Variants in ABL2 observed in about 807,000 individuals in gnomAD.
ABL2 encodes the protein ABL proto-oncogene 2, non-receptor tyrosine kinase.
ABL2 carries 49 observed loss-of-function variants against 107.7 expected under a neutral mutation model. The observed-to-expected ratio is 0.45, with a 90% CI of 0.36 to 0.58. The LOEUF (loss-of-function observed/expected upper bound fraction) is 0.58, where lower values mean the gene tolerates loss of function less well. Ranked by LOEUF, ABL2 falls within the 20% of genes least tolerant of loss-of-function variation. The pLI is 0.00. For synonymous variants in ABL2, 549 were observed against 548.6 expected (o/e 1.00, Z -0.01); for missense variants, 1,245 against 1,457.0 (o/e 0.85, Z 2.37).
intron 1 of ABL2, among the ~76,000 whole-genome samples, chr1:179,171,337 G>A (rs1659705790): frequency 6.6e-6 from 1 of 152,148 alleles, no homozygotes; most frequent in Non-Finnish European, 1.5e-5. Context: ...AAGACACAGA[G>A]ACTCTCCTTT....
chr1:179,124,283 G>A (rs1165063972), intron 4 of ABL2, among the ~76,000 whole-genome samples: 1 of 150,646 alleles, frequency 6.6e-6, no homozygotes, highest in Non-Finnish European at 1.5e-5. Flanking sequence ...AGTGTATAAA[G>A]TATCAATTCA....
chr1:179,130,088 T>C (rs1656141994), intron 3 of ABL2, among the ~76,000 whole-genome samples: 1 of 152,164 alleles, frequency 6.6e-6, no homozygotes, highest in African/African-American at 2.4e-5. Flanking sequence ...TACAGGCACA[T>C]GCCGCTACAC....
intron 1 of ABL2, among the ~76,000 whole-genome samples, chr1:179,200,373 T>C (rs1220419940): frequency 1.3e-5 from 2 of 152,216 alleles, no homozygotes; most frequent in Non-Finnish European, 2.9e-5. Context: ...GTTACATTTA[T>C]GTTGTCGCAC....
rs763258624 is a variant in ABL2 at position 179,109,138 on chromosome 1, G to A, written c.2129C>T (p.Ala710Val). 1.4e-5 allele frequency: 23 copies of A among 1,609,106 alleles called. 1 individual carries two copies. The highest frequency in any genetic ancestry group is 6.7e-5 in the East Asian group (3 of 44,638). The stretch of plus-strand genomic sequence containing the variant: ...ATAGCACTTGGGTGGCACCAGATTC[G>A]CCTCTTGCTGGGCAGGAGTGAAAGA... ...GFSFTPAQQE[A>V]NLVPPKCYGG... The change falls in exon 12 of 12, where the codon GCG becomes GTG. Residue 710 changes from alanine (A) to valine (V), a missense_variant. Ala to Val is a moderately conservative substitution (Grantham distance 64). Transcript: ENST00000502732.
chr1:179,224,358 C>T lies in ABL2; in HGVS notation c.157+4883G>A, dbSNP rs370089475. Among the ~76,000 whole-genome samples the T allele has an allele frequency of 1.9e-4, 29 of 151,486 alleles. No individual in the cohort carries two copies. The East Asian group carries it at 2.2e-3, about 11-fold the overall frequency. On this transcript the variant is annotated intron_variant, in intron 1 of 11. Transcript: ENST00000502732. ...CTCGGCTCACTGCAAACTCCGCCTC[C>T]GGGGTTCAGGGGATTCTCCTGTCTC... is the stretch of plus-strand genomic sequence containing the variant.
At position 179,109,516 on chromosome 1, in the gene ABL2, T is replaced by G; in HGVS notation, c.1826-75A>C. 2 of 1,521,008 alleles carry G rather than the reference T, an allele frequency of 1.3e-6. 1 individual carries two copies. Among genetic ancestry groups the G allele is most frequent in the South Asian group, 2.6e-5 (2 of 75,724 alleles). 94.2% of individuals were successfully genotyped at this position (1,521,008 alleles called of 1,614,324 possible). A position where few individuals can be genotyped will look rare whatever the true frequency, so the allele number is the denominator to read the frequency against. On this transcript the variant is annotated intron_variant, in intron 11 of 11. Transcript: ENST00000502732. ...TTACATTTGAGTTACCGAGGCTGCATTATGAGTTTTGTCAGCATTTATCAA... is the reference window on the plus strand; with the variant it reads ...TTACATTTGAGTTACCGAGGCTGCAGTATGAGTTTTGTCAGCATTTATCAA...
chr1:179,129,409 C>T (rs962436635), intron 3 of ABL2, among the ~76,000 whole-genome samples: 14 of 152,280 alleles, frequency 9.2e-5, no homozygotes, highest in Middle Eastern at 3.4e-3. Context: ...TCTGGCTGGG[C>T]GTGGTGGCTC....
intron 1 of ABL2, among the ~76,000 whole-genome samples, chr1:179,217,576 C>T (rs1248141521): frequency 7.2e-6 from 1 of 139,440 alleles, no homozygotes; most frequent in African/African-American, 2.7e-5. Context: ...CAGTGAGCCT[C>T]GATCGTGCCA....
chr1:179,145,646 G>C (rs1657932471), intron 1 of ABL2, among the ~76,000 whole-genome samples: 1 of 152,136 alleles, frequency 6.6e-6, no homozygotes, highest in South Asian at 2.1e-4. Context: ...AGATGAGGAG[G>C]AGCGGGGGCA....
chr1:179,143,094 T>G (rs774479588), intron 1 of ABL2: 1 of 1,596,116 alleles, frequency 6.3e-7, no homozygotes, highest in Non-Finnish European at 8.5e-7. Flanking sequence ...AAAGAGGAAG[T>G]CTTAGAATTC....
Position 179,108,700 on chromosome 1 carries a change from C to T in ABL2, c.2567G>A (p.Gly856Glu). Reference sequence around the variant, plus strand: ...TGTTCTGAGAGGAAGAGCTGTGGCTCCTCTGGGCAATAACTTGGCTTTTGG... The same window carrying T: ...TGTTCTGAGAGGAAGAGCTGTGGCTTCTCTGGGCAATAACTTGGCTTTTGG... ...ERPKAKLLPR[G>E]ATALPLRTPS... Residue 856 changes from glycine to glutamate, a missense_variant, in exon 12 of 12, where the codon GGA becomes GAA. Gly to Glu is a moderately conservative substitution (Grantham distance 98, BLOSUM62 -2). Transcript: ENST00000502732. 6.2e-7 allele frequency: 1 copy of T among 1,614,142 alleles called. No individual in the cohort carries two copies. Among genetic ancestry groups the T allele is most frequent in the Non-Finnish European group, 8.5e-7 (1 of 1,179,984 alleles).
rs570185332 is a variant in ABL2, at chr1:179,112,408, A to C, written c.1562-10T>G. ...GGGCTCCACTTCCAGCCTATGTAAC[A>C]GAAGAAAAAATATTAAAAACTCCTT... On this transcript the variant is annotated splice_polypyrimidine_tract_variant and intron_variant, in intron 9 of 11. Coordinates refer to ENST00000502732, the MANE Select transcript of ABL2 (RefSeq NM_007314.4). 6 of 1,608,584 alleles carry C rather than the reference A, an allele frequency of 3.7e-6. No homozygotes were observed. In the African/African-American group the frequency reaches 5.4e-5, roughly 14 times the overall value.
intron 1 of ABL2, among the ~76,000 whole-genome samples, chr1:179,174,704 T>C (rs1025417383): frequency 6.6e-6 from 1 of 151,654 alleles, no homozygotes; most frequent in Non-Finnish European, 1.5e-5. Context: ...CCCAGCCCTT[T>C]GGGAGGTTGA....
chr1:179,205,185 C>A (rs1661895172), intron 1 of ABL2, among the ~76,000 whole-genome samples: 1 of 152,050 alleles, frequency 6.6e-6, no homozygotes, highest in Admixed American at 6.6e-5. Flanking sequence ...TGCCACCACA[C>A]CCAGCTAATT....
chr1:179,104,700 G>T lies in ABL2; in HGVS notation c.*3018C>A. On this transcript the variant is annotated 3_prime_UTR_variant, in exon 12 of 12. Transcript: ENST00000502732. The stretch of plus-strand genomic sequence containing the variant: ...CAAGATGTATTCAACACAAATCACT[G>T]CATTTTAAAGTGGGAAATCTAAACT... 4.7e-6 allele frequency: 1 copy of T among 211,238 alleles called. No individual in the cohort carries two copies. Among genetic ancestry groups the T allele is most frequent in the East Asian group, 7.2e-5 (1 of 13,920 alleles). The allele number at this position is 211,238 out of a possible 1,614,324, so 13.1% of individuals were successfully genotyped here.
rs1251620547 is a variant in ABL2 at position 179,229,311 on chromosome 1, C to A, written c.87G>T (p.Arg29Ser). The change falls in exon 1 of 12, where the codon AGG becomes AGT. Residue 29 changes from arginine to serine, a missense_variant. Arg to Ser is a moderately radical substitution (Grantham distance 110). This residue lies in a region of ABL2 where 164 missense variants were observed against 143.7 expected (regional missense o/e 1.14). Transcript: ENST00000502732. ...PRGIRGSSAARPSGRRRDPAG... is the reference protein window; with the variant it reads ...PRGIRGSSAASPSGRRRDPAG... Reference sequence around the variant, plus strand: ...CCGGGTCCCGCCTGCGGCCGGAGGGCCTGGCTGCACTGCTGCCCCGGATCC... The same window carrying A: ...CCGGGTCCCGCCTGCGGCCGGAGGGACTGGCTGCACTGCTGCCCCGGATCC... 1 of 1,583,568 alleles carries A rather than the reference C, an allele frequency of 6.3e-7. No homozygotes were observed. Among genetic ancestry groups the A allele is most frequent in the South Asian group, 1.1e-5 (1 of 87,630 alleles).
chr1:179,217,625 CAA>C (rs544339454), intron 1 of ABL2, among the ~76,000 whole-genome samples: 29 of 102,096 alleles, frequency 2.8e-4, no homozygotes, highest in Non-Finnish European at 2.0e-4. Context: ...GACTCCACCT[CAA>C]AAAAAAAAAA....
At chr1:179,194,802 A>G (rs1329701989) in intron 1 of ABL2, among the ~76,000 whole-genome samples, 2 of 152,174 alleles carry the variant, frequency 1.3e-5, no homozygotes, top group African/African-American at 4.8e-5. Context: ...TTAAAGAAAA[A>G]AAGAGGGTAA....
chr1:179,141,815 G>T (rs1202369003), intron 1 of ABL2, among the ~76,000 whole-genome samples: 1 of 152,012 alleles, frequency 6.6e-6, no homozygotes, highest in Admixed American at 6.6e-5. Context: ...CCAAACAAAA[G>T]GAAAACTTTT....
Sources: gnomAD v4.1 joint callset for allele counts (sites outside exome capture counted in the v4.1 genomes callset) on GRCh38, gnomAD v4.1.1 for gene constraint, gnomAD v4.1.1 regional missense constraint, MANE v1.5 for transcripts, NCBI Gene and HGNC (gene_info 2026-07-23, HGNC 2026-07-21) for gene names.